Variants in SUMF1 observed in about 807,000 individuals in gnomAD.
SUMF1 encodes sulfatase modifying factor 1, also known as formylglycine-generating enzyme.
A neutral mutation model predicts 47.6 loss-of-function variants in SUMF1; 48 were observed. The observed-to-expected ratio is 1.01, with a 90% CI of 0.80 to 1.28. The LOEUF is 1.28. SUMF1 is among the 50% of genes most tolerant of loss of function. The probability of loss-of-function intolerance (pLI) is 0.00; values close to 1 mark genes in which losing one functional copy is unlikely to be tolerated. For synonymous variants in SUMF1, 230 were observed against 192.1 expected (o/e 1.20, Z -1.63); for missense variants, 571 against 485.4 (o/e 1.18, Z -1.66).
chr3:4,155,305 C>T (rs1255689722), intron 8 of SUMF1, among the ~76,000 whole-genome samples: 1 of 151,518 alleles, frequency 6.6e-6, no homozygotes, highest in East Asian at 1.9e-4. Context: ...TAGATTCAGA[C>T]ACTCTTTCCA....
chr3:4,309,134 A>C (rs942344473), intron 8 of SUMF1, among the ~76,000 whole-genome samples: 11 of 152,212 alleles, frequency 7.2e-5, no homozygotes, highest in Admixed American at 6.5e-4. Context: ...GGTAAGATAA[A>C]GGGTTGTGGA....
chr3:4,362,301 T>A lies in SUMF1; in HGVS notation c.1015-47A>T, dbSNP rs778771687. ...GGTAAGTGCTACTGGGACTCTCAGC[T>A]GAAGGCTCTAACCCATCAGATGCAT... On this transcript the variant is annotated intron_variant, in intron 8 of 8. Transcript: ENST00000272902. 7 of 1,534,736 alleles carry A rather than the reference T, an allele frequency of 4.6e-6. No homozygotes were observed. In the South Asian group the frequency reaches 7.8e-5, roughly 17 times the overall value.
chr3:4,170,387 G>A (rs1349622986), intron 8 of SUMF1, among the ~76,000 whole-genome samples: 2 of 152,160 alleles, frequency 1.3e-5, no homozygotes, highest in Non-Finnish European at 2.9e-5. Flanking sequence ...GGTAGGGCCT[G>A]AGCATTTGTA....
chr3:4,420,227 A>C (rs1010237002), intron 3 of SUMF1, 81 bp from the exon 4 acceptor site: 6 of 1,063,960 alleles, frequency 5.6e-6, no homozygotes, highest in Non-Finnish European at 8.7e-6. Context: ...TGCAGCAAAA[A>C]TCTCAATGTC....
intron 8 of SUMF1, among the ~76,000 whole-genome samples, chr3:4,227,136 A>G (rs1696191502): frequency 6.6e-6 from 1 of 152,112 alleles, no homozygotes; most frequent in Admixed American, 6.6e-5. Flanking sequence ...CAAGTTCTCC[A>G]AGAAGCATTC....
At chr3:4,457,094 A>AT (rs1294538155) in intron 1 of SUMF1, among the ~76,000 whole-genome samples, 31 of 137,604 alleles carry the variant, frequency 2.3e-4, no homozygotes, top group African/African-American at 8.8e-4. Flanking sequence ...ATATATATAT[A>AT]TTTTTTTTGT....
chr3:4,143,793 T>A (rs188033567), intron 8 of SUMF1, among the ~76,000 whole-genome samples: 25 of 152,136 alleles, frequency 1.6e-4, no homozygotes, highest in Admixed American at 1.4e-3. Context: ...CTACTGAAAT[T>A]GGGATTCACA....
At chr3:4,092,705 T>C (rs1692814864) in intron 8 of SUMF1, among the ~76,000 whole-genome samples, 1 of 152,016 alleles carries the variant, frequency 6.6e-6, no homozygotes, top group Non-Finnish European at 1.5e-5. Flanking sequence ...AGAACTGTAG[T>C]GTGTGTGTAT....
chr3:4,461,636 T>C lies in SUMF1; in HGVS notation c.270+5340A>G, dbSNP rs1161023644. On this transcript the variant is annotated intron_variant, in intron 1 of 8. Transcript: ENST00000272902. ...GTGAACTTCCGGCCGAGTTTTTTTTTTTTCCTTCTTTCATTAACCATCAGA... is the reference window on the plus strand; with the variant it reads ...GTGAACTTCCGGCCGAGTTTTTTTTCTTTCCTTCTTTCATTAACCATCAGA... Among the ~76,000 whole-genome samples the C allele has an allele frequency of 2.0e-5, 3 of 152,178 alleles. No individual in the cohort carries two copies. The East Asian group carries it at 5.8e-4, about 29-fold the overall frequency.
intron 8 of SUMF1, among the ~76,000 whole-genome samples, chr3:4,327,181 C>A (rs1186755521): frequency 6.6e-6 from 1 of 152,090 alleles, no homozygotes. Context: ...ACAAAAAAGT[C>A]ATAGAAACAT....
chr3:4,112,461 G>A (rs887326378), intron 8 of SUMF1, among the ~76,000 whole-genome samples: 13 of 152,130 alleles, frequency 8.5e-5, no homozygotes, highest in African/African-American at 2.2e-4. Context: ...TGTAAAAAGA[G>A]GCAATAGAAG....
At chr3:4,177,328 C>CA (rs1455723539) in intron 8 of SUMF1, among the ~76,000 whole-genome samples, 1 of 151,940 alleles carries the variant, frequency 6.6e-6, no homozygotes, top group Non-Finnish European at 1.5e-5. Flanking sequence ...AAAGAAATCA[C>CA]AAAAAACTGT....
chr3:4,283,103 C>A (rs1281929046), intron 8 of SUMF1, among the ~76,000 whole-genome samples: 1 of 152,140 alleles, frequency 6.6e-6, no homozygotes, highest in African/African-American at 2.4e-5. Flanking sequence ...CCTTGAGGAT[C>A]TTTAGACTCT....
At chr3:4,343,113 A>T (rs1190224271) in intron 8 of SUMF1, among the ~76,000 whole-genome samples, 1 of 152,248 alleles carries the variant, frequency 6.6e-6, no homozygotes. Context: ...AACACAAGCC[A>T]GGCCTAGGCC....
chr3:4,186,044 T>C (rs969574178), intron 8 of SUMF1, among the ~76,000 whole-genome samples: 2 of 152,190 alleles, frequency 1.3e-5, no homozygotes, highest in African/African-American at 4.8e-5. Context: ...ATCTTCAAGA[T>C]GACCAATTGT....
In SUMF1 at chr3:4,313,321, A is replaced by G. The variant is rs202027844; in HGVS notation, c.1014+63009T>C. The G allele has an allele frequency of 6.4e-5, 104 of 1,614,072 alleles. No individual in the cohort carries two copies. Among genetic ancestry groups the G allele is most frequent in the Non-Finnish European group, 5.2e-5 (61 of 1,179,980 alleles). On this transcript the variant is annotated intron_variant and NMD_transcript_variant, in intron 8 of 12. Coordinates refer to the SUMF1 transcript ENST00000448413. ...AACAAAATCCGACTCCAATTACATTATAGCCATCAGGGAACATGTTTATAA... is the reference window on the plus strand; with the variant it reads ...AACAAAATCCGACTCCAATTACATTGTAGCCATCAGGGAACATGTTTATAA...
chr3:4,449,218 T>C (rs1486154166), intron 3 of SUMF1, 48 bp downstream of exon 3: 1 of 1,608,198 alleles, frequency 6.2e-7, no homozygotes, highest in South Asian at 1.1e-5. Context: ...CCAAACCCTT[T>C]TCAATGAGCC....
At chr3:4,340,105 G>GCGCGCACA (rs1553559568) in intron 8 of SUMF1, among the ~76,000 whole-genome samples, 1 of 150,568 alleles carries the variant, frequency 6.6e-6, no homozygotes, top group South Asian at 2.1e-4. Context: ...GCACCAATGT[G>GCGCGCACA]CACACACACA....
At chr3:4,108,334 TA>T (rs2125067127) in intron 8 of SUMF1, among the ~76,000 whole-genome samples, 1 of 152,292 alleles carries the variant, frequency 6.6e-6, no homozygotes, top group South Asian at 2.1e-4. Flanking sequence ...AGGAGTGCTT[TA>T]CTTCCAACTA....
Sources: allele counts gnomAD v4.1 joint callset (sites outside exome capture counted in the v4.1 genomes callset), GRCh38; gene constraint gnomAD v4.1.1; transcripts MANE v1.5; gene names NCBI Gene and HGNC (gene_info 2026-07-23, HGNC 2026-07-21).